FAM89A: variants seen among roughly 807,000 people sequenced by gnomAD.
The protein encoded by FAM89A is protein FAM89A.
FAM89A carries 10 observed loss-of-function variants against 7.1 expected under a neutral mutation model. The ratio of observed to expected loss-of-function variants is 1.40; its 90% CI spans 0.86 to 2.38. The LOEUF (loss-of-function observed/expected upper bound fraction) is 2.38. Among genes scored for constraint, FAM89A ranks in the 30% most tolerant of loss-of-function variants. The pLI is 0.00. For synonymous variants in FAM89A, 157 were observed against 129.3 expected, an observed-to-expected ratio of 1.21 and a Z score of -1.45; for missense variants, 276 against 262.8, an observed-to-expected ratio of 1.05 and a Z score of -0.35.
At chr1:231,035,426 C>A (rs552329178) in intron 1 of FAM89A, among the ~76,000 whole-genome samples, 1 of 152,316 alleles carries the variant, frequency 6.6e-6, no homozygotes, top group East Asian at 1.9e-4. Flanking sequence ...CTAGACCTTG[C>A]TGCTGACTGT....
At chr1:231,034,631 G>A (rs959820170) in intron 1 of FAM89A, among the ~76,000 whole-genome samples, 1 of 152,054 alleles carries the variant, frequency 6.6e-6, no homozygotes, top group Non-Finnish European at 1.5e-5. Flanking sequence ...AAAGAGCCGG[G>A]CATGGTGGCG....
At chr1:231,021,394 A>G (rs761590132) in intron 1 of FAM89A, among the ~76,000 whole-genome samples, 1 of 144,856 alleles carries the variant, frequency 6.9e-6, no homozygotes, top group Non-Finnish European at 1.5e-5. Context: ...GCGGCTGGAG[A>G]AGGAGCTTCT....
At chr1:231,036,712 T>C (rs1452752143) in intron 1 of FAM89A, among the ~76,000 whole-genome samples, 1 of 152,164 alleles carries the variant, frequency 6.6e-6, no homozygotes. Context: ...CTCCTCCCAT[T>C]GAGATGGTAT....
chr1:231,022,037 G>A (rs886215512), intron 1 of FAM89A: 14 of 1,399,708 alleles, frequency 1.0e-5, no homozygotes, highest in Admixed American at 1.7e-5. Context: ...TTCAGAGATC[G>A]TGCAGAATAG....
At chr1:231,025,721 A>T (rs1212321253) in intron 1 of FAM89A, among the ~76,000 whole-genome samples, 1 of 151,918 alleles carries the variant, frequency 6.6e-6, no homozygotes, top group Non-Finnish European at 1.5e-5. Context: ...AAAAGGAGAG[A>T]CAGGGAAAGA....
chr1:231,033,598 G>A (rs1680110327), intron 1 of FAM89A, among the ~76,000 whole-genome samples: 1 of 152,214 alleles, frequency 6.6e-6, no homozygotes, highest in South Asian at 2.1e-4. Context: ...TTGCTCACTT[G>A]AGGCTATCTG....
In FAM89A at chr1:231,025,341, C is replaced by CA. The variant is rs202062100; in HGVS notation, c.292-5216_292-5215insT. 5.4e-3 allele frequency among the ~76,000 whole-genome samples: 827 copies of CA among 152,240 alleles called. 8 individuals carry two copies. Among genetic ancestry groups the CA allele is most frequent in the African/African-American group, 0.019 (781 of 41,546 alleles). On this transcript the variant is annotated intron_variant, in intron 1 of 1. Coordinates refer to ENST00000366654, the MANE Select transcript of FAM89A (RefSeq NM_198552.3). ...GTCCTCTGTGGCTTGGTTGAGGTCC[C>CA]GACCCTCTGCCAGCCTATAAAATGG...
intron 1 of FAM89A, among the ~76,000 whole-genome samples, chr1:231,039,299 G>T (rs544239462): frequency 1.7e-3 from 256 of 152,330 alleles, no homozygotes; most frequent in Non-Finnish European, 3.2e-3. Flanking sequence ...TTCTCAAGAG[G>T]GTTTGGGCAA....
intron 1 of FAM89A, among the ~76,000 whole-genome samples, chr1:231,022,815 T>C (rs1679903106): frequency 1.3e-5 from 2 of 152,190 alleles, no homozygotes; most frequent in African/African-American, 4.8e-5. Flanking sequence ...TTACCTACTT[T>C]TCAGCAGCCC....
intron 1 of FAM89A, among the ~76,000 whole-genome samples, chr1:231,029,110 A>G (rs1284630170): frequency 6.6e-6 from 1 of 152,232 alleles, no homozygotes; most frequent in Non-Finnish European, 1.5e-5. Flanking sequence ...ACAAGGCTTA[A>G]AAGATGAGAG....
chr1:231,020,988 C>G (rs770991942), intron 1 of FAM89A, among the ~76,000 whole-genome samples: 5 of 152,188 alleles, frequency 3.3e-5, no homozygotes, highest in Non-Finnish European at 7.3e-5. Flanking sequence ...CAGCATAGAC[C>G]AGCATCGGTG....
chr1:231,029,309 C>A (rs76766884), intron 1 of FAM89A, among the ~76,000 whole-genome samples: 37 of 151,808 alleles, frequency 2.4e-4, no homozygotes, highest in African/African-American at 8.7e-4. Context: ...GGCAAGATGA[C>A]GAGACCCTCA....
intron 1 of FAM89A, chr1:231,022,172 AT>A: frequency 9.5e-7 from 1 of 1,053,788 alleles, no homozygotes; most frequent in Non-Finnish European, 1.5e-6. Flanking sequence ...GTACCACTCC[AT>A]TCATATATGA....
chr1:231,025,832 C>G (rs1284178057), intron 1 of FAM89A, among the ~76,000 whole-genome samples: 1 of 151,538 alleles, frequency 6.6e-6, no homozygotes, highest in Non-Finnish European at 1.5e-5. Flanking sequence ...CAAAAAGTAC[C>G]CAGATGATGC....
chr1:231,021,779 G>C (rs1384794626), intron 1 of FAM89A: 7 of 1,603,048 alleles, frequency 4.4e-6, no homozygotes, highest in Non-Finnish European at 6.0e-6. Flanking sequence ...TTTAGAGCCT[G>C]TGGTGGTTGA....
intron 1 of FAM89A, among the ~76,000 whole-genome samples, chr1:231,022,928 T>C (rs1179876394): frequency 9.5e-6 from 1 of 105,270 alleles, no homozygotes; most frequent in African/African-American, 2.9e-5. Flanking sequence ...CTCAGGAACC[T>C]TACCCATGCT....
rs1572353265 is a variant in FAM89A, at chr1:231,021,830, A to C, written c.292-1704T>G. On this transcript the variant is annotated intron_variant, in intron 1 of 1. Transcript: ENST00000366654. Reference sequence around the variant, plus strand: ...CTCTGTTGTGATTGTTGACAAAAGAAGAAGACCAAGGAGGAATGCTAGGAG... The same window carrying C: ...CTCTGTTGTGATTGTTGACAAAAGACGAAGACCAAGGAGGAATGCTAGGAG... 6.2e-6 allele frequency: 10 copies of C among 1,600,444 alleles called. No individual in the cohort carries two copies. The East Asian group carries it at 2.2e-4, about 36-fold the overall frequency.
At position 231,040,013 on chromosome 1, in the gene FAM89A, C is replaced by T; in HGVS notation, c.199G>A (p.Gly67Arg). ...KSRIQDELSR[G>R]GPGGGGARAA... ...CGGGCCCCGCCGCCGCCCGGGCCCC[C>T]GCGGCTCAGCTCGTCCTGGATGCGC... is the stretch of plus-strand genomic sequence containing the variant. Residue 67 changes from glycine to arginine, a missense_variant, in exon 1 of 2, where the codon GGG becomes AGG. By Grantham distance (125) the Gly-to-Arg change is moderately radical (BLOSUM62 -2). Coordinates refer to ENST00000366654, the MANE Select transcript of FAM89A (RefSeq NM_198552.3). The T allele has an allele frequency of 2.8e-6, 4 of 1,423,210 alleles. No individual in the cohort carries two copies. Among genetic ancestry groups the T allele is most frequent in the Non-Finnish European group, 3.7e-6 (4 of 1,091,280 alleles). The allele number at this position is 1,423,210 out of a possible 1,614,324, so 88.2% of individuals were successfully genotyped here.
At chr1:231,038,171 T>G (rs1680191566) in intron 1 of FAM89A, among the ~76,000 whole-genome samples, 1 of 152,240 alleles carries the variant, frequency 6.6e-6, no homozygotes, top group Non-Finnish European at 1.5e-5. Flanking sequence ...TGCAGCCATA[T>G]CTTATCTTTA....
Sources: gnomAD v4.1 joint callset for allele counts (sites outside exome capture counted in the v4.1 genomes callset) on GRCh38, gnomAD v4.1.1 for gene constraint, MANE v1.5 for transcripts, NCBI Gene and HGNC (gene_info 2026-07-23, HGNC 2026-07-21) for gene names.